Variants in SLC26A7 observed in about 807,000 individuals in gnomAD.
SLC26A7 encodes the protein solute carrier family 26 member 7.
A neutral mutation model predicts 82.5 loss-of-function variants in SLC26A7; 59 were observed. The ratio of observed to expected loss-of-function variants is 0.72; its 90% confidence interval spans 0.58 to 0.89. The LOEUF is 0.89. Ranked by LOEUF, SLC26A7 falls within the 40% of genes least tolerant of loss-of-function variation. The pLI, the probability that SLC26A7 is intolerant of heterozygous loss-of-function variation, is 0.00. For missense variants in SLC26A7, 820 were observed against 793.0 expected, an observed-to-expected ratio of 1.03 and a Z score of -0.41; for synonymous variants, 271 against 274.3, an observed-to-expected ratio of 0.99 and a Z score of 0.12.
At chr8:91,315,591 C>T (rs980905) in intron 4 of SLC26A7, among the ~76,000 whole-genome samples, 18,580 of 152,146 alleles carry the variant, frequency 0.12, 1,420 homozygotes, top group Middle Eastern at 0.21. Flanking sequence ...CTTTGGCGTC[C>T]TGAGTTTACT....
At chr8:91,244,106 T>C (rs898978295) in intron 2 of SLC26A7, among the ~76,000 whole-genome samples, 6 of 152,204 alleles carry the variant, frequency 3.9e-5, no homozygotes, top group African/African-American at 1.4e-4. Flanking sequence ...CACACAATTA[T>C]GTAGTCCTTA....
rs1169440921 is a variant in SLC26A7 at position 91,289,847 on chromosome 8, T to TCTTAC, written c.304+609_304+613dup. On this transcript the variant is annotated intron_variant, in intron 3 of 18. Transcript: ENST00000276609. ...TACAATGCTCTTTACTTGGTGTAAC[T>TCTTAC]CTTACCTTACCTACCTCTATATTAC... is the stretch of plus-strand genomic sequence containing the variant. 7.2e-5 allele frequency among the ~76,000 whole-genome samples: 11 copies of TCTTAC among 152,338 alleles called. No homozygotes were observed. The East Asian group carries it at 1.7e-3, about 24-fold the overall frequency.
At chr8:91,275,881 G>A (rs75061623) in intron 2 of SLC26A7, among the ~76,000 whole-genome samples, 2,970 of 152,232 alleles carry the variant, frequency 0.02, 35 homozygotes, top group Non-Finnish European at 0.03. Flanking sequence ...AGGGATTAGC[G>A]TTGTGTGCCT....
chr8:91,365,377 A>T (rs1415828763), intron 13 of SLC26A7, among the ~76,000 whole-genome samples: 1 of 152,208 alleles, frequency 6.6e-6, no homozygotes, highest in Non-Finnish European at 1.5e-5. Context: ...ATTGGGCTGC[A>T]TTCAAAGCCA....
At chr8:91,283,686 G>A (rs1305407634) in intron 2 of SLC26A7, among the ~76,000 whole-genome samples, 1 of 152,048 alleles carries the variant, frequency 6.6e-6, no homozygotes, top group Non-Finnish European at 1.5e-5. Flanking sequence ...TTAAATGCAA[G>A]CAAAAATAAC....
chr8:91,326,592 C>CT (rs556557161), intron 5 of SLC26A7, among the ~76,000 whole-genome samples: 131 of 152,236 alleles, frequency 8.6e-4, no homozygotes, highest in Admixed American at 2.0e-3. Context: ...TTCTGAAGTA[C>CT]TGGGGGTTAG....
At chr8:91,211,597 T>A (rs1809920943) in intron 1 of SLC26A7, among the ~76,000 whole-genome samples, 1 of 132,020 alleles carries the variant, frequency 7.6e-6, no homozygotes, top group East Asian at 2.1e-4. Context: ...ATTATACAAA[T>A]ATATATATAT....
At chr8:91,231,098 G>T (rs1317083409) in intron 2 of SLC26A7, among the ~76,000 whole-genome samples, 1 of 152,168 alleles carries the variant, frequency 6.6e-6, no homozygotes, top group Non-Finnish European at 1.5e-5. Context: ...CAAGGTAAGA[G>T]ATTTGGAAAG....
chr8:91,339,047 A>G (rs1301843470), intron 7 of SLC26A7, among the ~76,000 whole-genome samples: 1 of 152,190 alleles, frequency 6.6e-6, no homozygotes, highest in Non-Finnish European at 1.5e-5. Context: ...ACATATAGAT[A>G]TAGGCTAATG....
chr8:91,226,445 G>A (rs577460517), intron 2 of SLC26A7, among the ~76,000 whole-genome samples: 4 of 152,250 alleles, frequency 2.6e-5, no homozygotes, highest in South Asian at 2.1e-4. Flanking sequence ...TAATAAATAC[G>A]TTAAGGATGA....
rs1586489069 is a variant in SLC26A7, at chr8:91,395,635, A to G, written c.*538A>G. ...GAAATTCACAAAAAGTAAACCAAACAAAACGAATGAAAAACTGGAAATAAT... is the reference window on the plus strand; with the variant it reads ...GAAATTCACAAAAAGTAAACCAAACGAAACGAATGAAAAACTGGAAATAAT... On this transcript the variant is annotated 3_prime_UTR_variant, in exon 19 of 19. Coordinates refer to ENST00000276609, the MANE Select transcript of SLC26A7 (RefSeq NM_052832.4). The G allele has an allele frequency of 6.6e-6, 1 of 152,228 alleles. No homozygotes were observed. The highest frequency in any genetic ancestry group is 1.5e-5 in the Non-Finnish European group (1 of 68,038). 9.4% of individuals were successfully genotyped at this position (152,228 alleles called of 1,614,324 possible).
intron 2 of SLC26A7, among the ~76,000 whole-genome samples, chr8:91,277,904 CAT>C (rs144827761): frequency 0.1 from 15,533 of 152,032 alleles, 891 homozygotes; most frequent in Middle Eastern, 0.2. Context: ...GTGCTACTAC[CAT>C]ATATCATTAG....
At chr8:91,244,437 A>G (rs1398004537), upstream of SLC26A7, among the ~76,000 whole-genome samples, 1 of 141,060 alleles carries the variant, frequency 7.1e-6, no homozygotes, top group Admixed American at 7.1e-5. Flanking sequence ...AATGTCTTAT[A>G]TTATTGTAAA....
In SLC26A7 at chr8:91,344,688, C is replaced by T. The variant is rs144905177; in HGVS notation, c.1140+1222C>T. ...GTAATTTGACAAATAATTGCCACAG[C>T]TCATCAGCTAAGAAGTAAAATCCTC... On this transcript the variant is annotated intron_variant, in intron 9 of 18. Transcript: ENST00000276609. Among the ~76,000 whole-genome samples the T allele has an allele frequency of 1.2e-3, 188 of 152,308 alleles. 2 individuals carry two copies. Among genetic ancestry groups the T allele is most frequent in the African/African-American group, 4.5e-3 (185 of 41,566 alleles).
At chr8:91,217,689 C>G (rs1188602191) in intron 1 of SLC26A7, among the ~76,000 whole-genome samples, 1 of 152,126 alleles carries the variant, frequency 6.6e-6, no homozygotes, top group African/African-American at 2.4e-5. Context: ...GTGGTAGTTG[C>G]CCAAAGGAAA....
rs185417271 is a variant in SLC26A7 at position 91,277,379 on chromosome 8, G to T, written c.194-11757G>T. ...CCTGTTCAATACTGCATCCCCATTT[G>T]CATATGCTCCTTTCAAAGTCAATAT... is the stretch of plus-strand genomic sequence containing the variant. On this transcript the variant is annotated intron_variant, in intron 2 of 18. Coordinates refer to ENST00000276609, the MANE Select transcript of SLC26A7 (RefSeq NM_052832.4). Among the ~76,000 whole-genome samples, 14 of 152,168 alleles carry T rather than the reference G, an allele frequency of 9.2e-5. No homozygotes were observed. The East Asian group carries it at 2.7e-3, about 29-fold the overall frequency.
intron 3 of SLC26A7, 133 bp from the exon 4 acceptor site, chr8:91,295,398 C>A: frequency 1.1e-6 from 1 of 945,584 alleles, no homozygotes; most frequent in African/African-American, 1.7e-5. Context: ...AGAAGCAAGG[C>A]CACAGAGGAG....
intron 5 of SLC26A7, among the ~76,000 whole-genome samples, chr8:91,330,082 C>G (rs1813037181): frequency 6.6e-6 from 1 of 152,054 alleles, no homozygotes; most frequent in Non-Finnish European, 1.5e-5. Flanking sequence ...AGATAAAAAG[C>G]AAAGCTACCT....
chr8:91,307,661 AG>A (rs1158924181), intron 4 of SLC26A7, among the ~76,000 whole-genome samples: 1 of 86,294 alleles, frequency 1.2e-5, no homozygotes, highest in Admixed American at 1.4e-4. Context: ...GGGTGGGGGG[AG>A]GGGGGAGGGA....
Sources: gnomAD v4.1 joint callset for allele counts (sites outside exome capture counted in the v4.1 genomes callset) on GRCh38, gnomAD v4.1.1 for gene constraint, MANE v1.5 for transcripts, NCBI Gene and HGNC (gene_info 2026-07-23, HGNC 2026-07-21) for gene names.